Variants in INPP4B observed in about 807,000 individuals in gnomAD.
The protein encoded by INPP4B is inositol polyphosphate 4-phosphatase type II.
In INPP4B, 55 loss-of-function variants were observed where a neutral mutation model predicts 122.5. The ratio of observed to expected loss-of-function variants is 0.45; its 90% CI spans 0.36 to 0.56. The LOEUF (loss-of-function observed/expected upper bound fraction) is 0.56. Ranked by LOEUF, INPP4B falls within the 20% of genes least tolerant of loss-of-function variation. INPP4B has a pLI of 0.00. For missense variants in INPP4B, 1,000 were observed against 1,097.7 expected (o/e 0.91, Z 1.26); for synonymous variants, 403 against 388.7 (o/e 1.04, Z -0.43).
intron 1 of INPP4B, among the ~76,000 whole-genome samples, chr4:142,813,861 G>T (rs1345457521): frequency 2.0e-5 from 3 of 151,984 alleles, no homozygotes; most frequent in Non-Finnish European, 2.9e-5. Context: ...CGAAATTTGA[G>T]TACTCAATAA....
chr4:142,719,438 C>T (rs1353365701), intron 2 of INPP4B, among the ~76,000 whole-genome samples: 2 of 151,918 alleles, frequency 1.3e-5, no homozygotes, highest in Non-Finnish European at 2.9e-5. Context: ...GATCCTCCCA[C>T]CTCAGCCTCC....
intron 2 of INPP4B, among the ~76,000 whole-genome samples, chr4:142,593,506 T>G (rs1277064420): frequency 6.6e-6 from 1 of 152,152 alleles, no homozygotes; most frequent in Non-Finnish European, 1.5e-5. Context: ...TTTTCTCATC[T>G]CACTTTCCTG....
chr4:142,719,118 TC>T (rs1764183811), intron 2 of INPP4B, among the ~76,000 whole-genome samples: 4 of 152,136 alleles, frequency 2.6e-5, no homozygotes, highest in Admixed American at 1.3e-4. Context: ...GAACAACTCT[TC>T]CTTTCTCTTT....
At chr4:142,287,124 C>T (rs529077489) in intron 9 of INPP4B, 1 of 152,298 alleles carries the variant, frequency 6.6e-6, no homozygotes, top group African/African-American at 2.4e-5. Context: ...AAAAATGTTT[C>T]CTACAAGCAT....
chr4:142,655,300 A>G (rs1331286732), intron 2 of INPP4B, among the ~76,000 whole-genome samples: 1 of 152,128 alleles, frequency 6.6e-6, no homozygotes, highest in East Asian at 1.9e-4. Flanking sequence ...AATTCTTGTC[A>G]TTTTATTTTC....
chr4:142,288,295 G>T (rs1016344288), intron 9 of INPP4B, among the ~76,000 whole-genome samples: 1 of 152,190 alleles, frequency 6.6e-6, no homozygotes, highest in Non-Finnish European at 1.5e-5. Context: ...TAAAATGGCT[G>T]ATTACTAGGC....
chr4:142,134,317 G>C lies in INPP4B; in HGVS notation c.1721-9557C>G, dbSNP rs188374891. ...TGACAAAGGCCATGAAGCCAAATAA[G>C]TACCAAACTGTGGACTTGCCAAGAT... is the stretch of plus-strand genomic sequence containing the variant. On this transcript the variant is annotated intron_variant, in intron 18 of 25. Transcript: ENST00000262992. Among the ~76,000 whole-genome samples the C allele has an allele frequency of 1.0e-3, 154 of 152,234 alleles. 1 individual carries two copies. The highest frequency in any genetic ancestry group is 3.7e-3 in the African/African-American group (153 of 41,536).
intron 7 of INPP4B, among the ~76,000 whole-genome samples, chr4:142,395,282 T>C (rs935917997): frequency 1.2e-4 from 19 of 152,184 alleles, no homozygotes; most frequent in South Asian, 1.0e-3. Flanking sequence ...AATGCAAATG[T>C]ATGGATAGTA....
intron 12 of INPP4B, among the ~76,000 whole-genome samples, chr4:142,213,326 T>C (rs906135593): frequency 1.3e-5 from 2 of 152,178 alleles, no homozygotes; most frequent in African/African-American, 2.4e-5. Flanking sequence ...CAGTGGCTCA[T>C]TGTCAGTCTG....
Position 142,772,730 on chromosome 4 carries a change from C to T in INPP4B, c.-253-46829G>A, listed in dbSNP as rs561597184. ...GGGTAATGTATGAAGGAAAATTCAC[C>T]CTATGAAAGTTGATGCTTTAAAGAC... On this transcript the variant is annotated intron_variant, in intron 1 of 25. Coordinates refer to ENST00000262992, the MANE Select transcript of INPP4B (RefSeq NM_001101669.3). Among the ~76,000 whole-genome samples the T allele has an allele frequency of 5.3e-5, 8 of 152,074 alleles. No homozygotes were observed. The South Asian group carries it at 1.2e-3, about 24-fold the overall frequency.
intron 3 of INPP4B, among the ~76,000 whole-genome samples, chr4:142,455,138 C>T (rs1444110678): frequency 6.6e-6 from 1 of 151,976 alleles, no homozygotes; most frequent in Non-Finnish European, 1.5e-5. Context: ...TCCATTCCCT[C>T]AAGCAATTAT....
At chr4:142,466,573 T>C (rs1014520478) in intron 2 of INPP4B, among the ~76,000 whole-genome samples, 3 of 152,252 alleles carry the variant, frequency 2.0e-5, no homozygotes, top group African/African-American at 7.2e-5. Flanking sequence ...CCTGACCATG[T>C]GGCAGAGGGG....
At chr4:142,029,249 C>A in intron 25 of INPP4B, 1 of 1,013,052 alleles carries the variant, frequency 9.9e-7, no homozygotes, top group Non-Finnish European at 1.2e-6. Context: ...AAATTAATTT[C>A]TCAGTCTCTT....
chr4:142,367,185 AATATGT>A (rs747744517), intron 7 of INPP4B, among the ~76,000 whole-genome samples: 6 of 55,352 alleles, frequency 1.1e-4, no homozygotes, highest in Non-Finnish European at 1.1e-4. Context: ...GTATACATGT[AATATGT>A]GTGTGTGTGT....
At chr4:142,136,247 G>A (rs532833576) in intron 18 of INPP4B, among the ~76,000 whole-genome samples, 1 of 152,322 alleles carries the variant, frequency 6.6e-6, no homozygotes, top group Non-Finnish European at 1.5e-5. Flanking sequence ...TCATTGGGCT[G>A]GCGTGAAGAT....
At chr4:142,104,463 G>A (rs1373370812) in intron 23 of INPP4B, among the ~76,000 whole-genome samples, 1 of 152,136 alleles carries the variant, frequency 6.6e-6, no homozygotes, top group Non-Finnish European at 1.5e-5. Context: ...TGCCACACTG[G>A]AATTCCCAGG....
chr4:142,728,465 C>A (rs1838082), intron 1 of INPP4B, among the ~76,000 whole-genome samples: 102,513 of 151,996 alleles, frequency 0.67, 34,781 homozygotes, highest in East Asian at 0.83. Context: ...TGATCTTATT[C>A]AGAAAGAATC....
intron 2 of INPP4B, among the ~76,000 whole-genome samples, chr4:142,579,871 ATAGGTAGG>A (rs1553962762): frequency 2.9e-4 from 27 of 94,358 alleles, no homozygotes; most frequent in Admixed American, 7.8e-4. Flanking sequence ...AGATAGATAG[ATAGGTAGG>A]TAGATAGATA....
intron 21 of INPP4B, among the ~76,000 whole-genome samples, chr4:142,113,519 C>G (rs1791328939): frequency 6.6e-6 from 1 of 151,866 alleles, no homozygotes. Flanking sequence ...TTTAATTTCT[C>G]CTAGTATAAC....
Sources: gnomAD v4.1 joint callset for allele counts (sites outside exome capture counted in the v4.1 genomes callset) on GRCh38, gnomAD v4.1.1 for gene constraint, MANE v1.5 for transcripts, NCBI Gene and HGNC (gene_info 2026-07-23, HGNC 2026-07-21) for gene names.